Variants in FANCA observed in about 807,000 individuals in gnomAD.
The protein encoded by FANCA is FA complementation group A.
A neutral mutation model predicts 194.3 loss-of-function variants in FANCA; 236 were observed. That is an observed-to-expected ratio of 1.21 (90% CI 1.09 to 1.35). The LOEUF (loss-of-function observed/expected upper bound fraction) is 1.35. Ranked by LOEUF, FANCA falls within the 40% of genes most tolerant of loss-of-function variation. The pLI is 0.00. For synonymous variants in FANCA, 1,014 were observed against 715.8 expected (o/e 1.42, Z -6.65); for missense variants, 2,628 against 1,813.9 (o/e 1.45, Z -8.15).
In FANCA at chr16:89,807,985, G is replaced by C. The variant is rs560986229; in HGVS notation, c.596+309C>G. Among the ~76,000 whole-genome samples, 4 of 152,234 alleles carry C rather than the reference G, an allele frequency of 2.6e-5. No homozygotes were observed. In the South Asian group the frequency reaches 8.3e-4, roughly 32 times the overall value. ...AGGCAGGAGAATTGCTTGAACCCTG[G>C]AGGTGGAGGTTGTAGTGAGCTGAAA... On this transcript the variant is annotated intron_variant, in intron 6 of 42. Transcript: ENST00000389301.
At chr16:89,767,666 A>C (rs766702406) in intron 26 of FANCA, among the ~76,000 whole-genome samples, 32 of 152,156 alleles carry the variant, frequency 2.1e-4, no homozygotes, top group Admixed American at 4.6e-4. Flanking sequence ...CTCCTGCCTC[A>C]GTCTCCCGAG....
rs2040317585 is a variant in FANCA, at chr16:89,798,320, C to T, written c.893+846G>A. On this transcript the variant is annotated intron_variant, in intron 10 of 42. Transcript: ENST00000389301. The stretch of plus-strand genomic sequence containing the variant: ...CACCGCAGTCTCTGGCACTTTGTTA[C>T]AGCAGCCCAAGCTAACTGATGCACA... 1.9e-5 allele frequency: 19 copies of T among 1,022,846 alleles called. No individual in the cohort carries two copies. The South Asian group carries it at 8.3e-4, about 44-fold the overall frequency. The allele number at this position is 1,022,846 out of a possible 1,614,324, so 63.4% of individuals were successfully genotyped here.
At chr16:89,758,750 G>T in intron 29 of FANCA, 45 bp from the exon 30 acceptor site, 1 of 1,608,178 alleles carries the variant, frequency 6.2e-7, no homozygotes, top group Non-Finnish European at 8.5e-7. Context: ...ATGCTTCGTG[G>T]CCAGCGGTTC....
At chr16:89,764,653 C>G (rs546275655) in intron 28 of FANCA, among the ~76,000 whole-genome samples, 3 of 152,320 alleles carry the variant, frequency 2.0e-5, no homozygotes, top group Admixed American at 2.0e-4. Flanking sequence ...CGATTTTAGT[C>G]AAGATTCCAA....
At chr16:89,786,553 G>A (rs1477052469) in intron 14 of FANCA, among the ~76,000 whole-genome samples, 1 of 152,104 alleles carries the variant, frequency 6.6e-6, no homozygotes, top group Non-Finnish European at 1.5e-5. Flanking sequence ...CTGACCTCAA[G>A]TGATCCACCT....
At chr16:89,768,983 C>G (rs1236447657) in intron 26 of FANCA, among the ~76,000 whole-genome samples, 2 of 152,200 alleles carry the variant, frequency 1.3e-5, no homozygotes, top group Non-Finnish European at 2.9e-5. Context: ...AGGAGGGACT[C>G]TGTATCCCCG....
chr16:89,779,067 G>A (rs1020713991), intron 18 of FANCA, 64 bp from the exon 19 acceptor site: 2 of 1,509,644 alleles, frequency 1.3e-6, no homozygotes, highest in Non-Finnish European at 1.8e-6. Context: ...CCCACAGACG[G>A]TGACCGGTGT....
At chr16:89,740,314 G>C (rs1212414508) in intron 38 of FANCA, 1 of 581,924 alleles carries the variant, frequency 1.7e-6, no homozygotes, top group Non-Finnish European at 3.1e-6. Context: ...CACCAAGGCT[G>C]CTGCACCACG....
At chr16:89,778,358 C>G (rs1026330844) in intron 20 of FANCA, 2 of 370,982 alleles carry the variant, frequency 5.4e-6, no homozygotes, top group Non-Finnish European at 1.0e-5. Flanking sequence ...CCCAGCTACT[C>G]AGGAGGCTGA....
At chr16:89,804,389 G>T (rs1009819048) in intron 7 of FANCA, among the ~76,000 whole-genome samples, 6 of 152,138 alleles carry the variant, frequency 3.9e-5, no homozygotes, top group Admixed American at 1.3e-4. Context: ...GCCAGAAAAC[G>T]AGCTTCAATG....
At chr16:89,800,181 C>T (rs747334714) in intron 8 of FANCA, among the ~76,000 whole-genome samples, 2 of 152,208 alleles carry the variant, frequency 1.3e-5, no homozygotes, top group African/African-American at 2.4e-5. Flanking sequence ...CACTTTTGCA[C>T]GCAGAGTTTT....
At chr16:89,815,843 A>C in intron 2 of FANCA, 34 bp downstream of exon 2, 1 of 1,532,168 alleles carries the variant, frequency 6.5e-7, no homozygotes, top group Non-Finnish European at 9.0e-7. Flanking sequence ...CCGAACCTAA[A>C]TCTGCCCGCA....
intron 14 of FANCA, among the ~76,000 whole-genome samples, chr16:89,789,215 G>T (rs963918493): frequency 6.6e-6 from 1 of 151,768 alleles, no homozygotes; most frequent in Non-Finnish European, 1.5e-5. Context: ...ATAGAAGTGA[G>T]TTGACACTGA....
chr16:89,771,611 G>T (rs923392476), intron 23 of FANCA, 67 bp downstream of exon 23: 4 of 1,569,238 alleles, frequency 2.5e-6, no homozygotes, highest in Non-Finnish European at 3.5e-6. Context: ...GGCTCCATGC[G>T]TCTAATGCCT....
intron 6 of FANCA, among the ~76,000 whole-genome samples, chr16:89,807,315 G>T (rs894574398): frequency 6.6e-6 from 1 of 151,794 alleles, no homozygotes; most frequent in African/African-American, 2.4e-5. Flanking sequence ...AAATTAGCCG[G>T]GTGTGGTGGC....
At position 89,775,767 on chromosome 16, in the gene FANCA, G is replaced by A. The variant is rs2039479573; in HGVS notation, c.1875C>T (p.Cys625=). The change falls in exon 21 of 43, where the codon TGC becomes TGT. Residue 625 remains cysteine, a synonymous_variant. Transcript: ENST00000389301. ...CTTCTGGCTTCTCTTCAGCAGCAGA[G>A]CAGGCCTGGCAGTAGGTGGAGTACA... ...PSLYSTYCQA[C]SAAEEKPEDA... 2 of 1,612,786 alleles carry A rather than the reference G, an allele frequency of 1.2e-6. No individual in the cohort carries two copies. The highest frequency in any genetic ancestry group is 1.3e-5 in the African/African-American group (1 of 75,016).
chr16:89,798,456 A>G, intron 10 of FANCA: 1 of 1,092,380 alleles, frequency 9.2e-7, no homozygotes, highest in African/African-American at 1.6e-5. Context: ...GGGATGGGAA[A>G]TGAGGAGCAA....
At chr16:89,766,863 T>G (rs971756102) in intron 27 of FANCA, among the ~76,000 whole-genome samples, 4 of 152,246 alleles carry the variant, frequency 2.6e-5, no homozygotes, top group African/African-American at 9.6e-5. Context: ...ATCTATTTCA[T>G]TACAATTACA....
intron 17 of FANCA, among the ~76,000 whole-genome samples, chr16:89,781,341 G>C (rs1319978499): frequency 7.7e-6 from 1 of 129,662 alleles, no homozygotes; most frequent in African/African-American, 3.0e-5. Flanking sequence ...TCCAGCCTGG[G>C]CAATAGAACG....
Sources: gnomAD v4.1 joint callset for allele counts (sites outside exome capture counted in the v4.1 genomes callset) on GRCh38, gnomAD v4.1.1 for gene constraint, MANE v1.5 for transcripts, NCBI Gene and HGNC (gene_info 2026-07-23, HGNC 2026-07-21) for gene names.